The following CADM2 variants were observed in gnomAD, a reference collection of about 807,000 sequenced individuals.
The protein encoded by CADM2 is immunoglobulin superfamily member 4D.
CADM2 carries 12 observed loss-of-function variants against 49.8 expected under a neutral mutation model. That is an observed-to-expected ratio of 0.24 (90% CI 0.15 to 0.39). The LOEUF (loss-of-function observed/expected upper bound fraction) is 0.39. CADM2 is among the 10% of genes least tolerant of loss of function. CADM2 has a pLI of 1.00. For synonymous variants in CADM2, 214 were observed against 175.4 expected, an observed-to-expected ratio of 1.22 and a Z score of -1.74; for missense variants, 378 against 492.3, an observed-to-expected ratio of 0.77 and a Z score of 2.20.
Position 85,210,580 on chromosome 3 carries a change from T to G in CADM2, c.61+250912T>G, listed in dbSNP as rs1319028744. On this transcript the variant is annotated intron_variant, in intron 1 of 9. Transcript: ENST00000383699. ...TTTTTGAAACAAGGTCTGGCTCTGT[T>G]GCCCAGGTTGGAGTGCAGTGGTGCA... Among the ~76,000 whole-genome samples the G allele has an allele frequency of 3.9e-5, 6 of 152,248 alleles. No individual in the cohort carries two copies. The East Asian group carries it at 1.2e-3, about 29-fold the overall frequency.
chr3:85,469,961 G>GT (rs1409282026), intron 1 of CADM2, among the ~76,000 whole-genome samples: 1 of 152,106 alleles, frequency 6.6e-6, no homozygotes, highest in African/African-American at 2.4e-5. Context: ...GGAAAATAGC[G>GT]TTTTTGGAAG....
At chr3:84,974,966 G>A (rs1463078073) in intron 1 of CADM2, among the ~76,000 whole-genome samples, 4 of 151,732 alleles carry the variant, frequency 2.6e-5, no homozygotes, top group African/African-American at 9.7e-5. Context: ...CTGCAAATAT[G>A]TGATCTCAAG....
chr3:85,642,678 T>C (rs2064759291), intron 1 of CADM2, among the ~76,000 whole-genome samples: 1 of 152,188 alleles, frequency 6.6e-6, no homozygotes, highest in African/African-American at 2.4e-5. Flanking sequence ...CCTGTGATTA[T>C]ACCACTTGGA....
chr3:85,202,428 C>T (rs1385651761), intron 1 of CADM2, among the ~76,000 whole-genome samples: 1 of 152,062 alleles, frequency 6.6e-6, no homozygotes, highest in South Asian at 2.1e-4. Context: ...GTTGTTCTTC[C>T]TGCATATCTC....
intron 1 of CADM2, 124 bp from the exon 2 acceptor site, chr3:85,726,398 T>C: frequency 9.9e-7 from 1 of 1,009,632 alleles, no homozygotes; most frequent in South Asian, 1.3e-5. Context: ...AGGCTGTTGA[T>C]CATGAAATCA....
intron 8 of CADM2, 89 bp from the exon 9 acceptor site, chr3:86,065,516 A>G: frequency 1.5e-6 from 2 of 1,362,098 alleles, no homozygotes; most frequent in Non-Finnish European, 2.0e-6. Flanking sequence ...AAATTGTGTT[A>G]ATTTTCAAAA....
At chr3:85,131,049 T>G (rs1328438494) in intron 1 of CADM2, among the ~76,000 whole-genome samples, 1 of 151,964 alleles carries the variant, frequency 6.6e-6, no homozygotes, top group Non-Finnish European at 1.5e-5. Flanking sequence ...GGGCGTGGCA[T>G]GCGCCTGTAA....
intron 1 of CADM2, among the ~76,000 whole-genome samples, chr3:85,481,813 GTT>G (rs62677260): frequency 1.4e-5 from 2 of 143,526 alleles, no homozygotes; most frequent in Admixed American, 7.0e-5. Context: ...TTCATTCTTG[GTT>G]TTTTTTTTTT....
At chr3:85,887,277 C>T (rs755218066) in intron 5 of CADM2, among the ~76,000 whole-genome samples, 4 of 151,828 alleles carry the variant, frequency 2.6e-5, no homozygotes, top group Admixed American at 6.6e-5. Flanking sequence ...TTGTAGAGAT[C>T]GTGCTGTGTT....
intron 8 of CADM2, among the ~76,000 whole-genome samples, chr3:86,061,284 G>A (rs1038293827): frequency 1.3e-5 from 2 of 151,844 alleles, no homozygotes; most frequent in Non-Finnish European, 2.9e-5. Flanking sequence ...ACTTGATAGG[G>A]GGTGTTTTTA....
intron 1 of CADM2, among the ~76,000 whole-genome samples, chr3:85,288,185 C>T (rs1443022429): frequency 6.6e-6 from 1 of 151,994 alleles, no homozygotes; most frequent in Non-Finnish European, 1.5e-5. Flanking sequence ...AACTTGTTTC[C>T]TTCCCTCTAA....
chr3:85,567,255 G>A (rs2062293260), intron 1 of CADM2, among the ~76,000 whole-genome samples: 1 of 152,148 alleles, frequency 6.6e-6, no homozygotes, highest in Non-Finnish European at 1.5e-5. Context: ...TCGAGCAGAT[G>A]GTTAATAGCG....
intron 1 of CADM2, among the ~76,000 whole-genome samples, chr3:85,462,574 G>A (rs1457836047): frequency 2.0e-5 from 3 of 152,174 alleles, no homozygotes; most frequent in South Asian, 2.1e-4. Context: ...ATCTGGGTTC[G>A]TTTTATTCTA....
chr3:85,955,199 G>T (rs1436226550), intron 7 of CADM2, among the ~76,000 whole-genome samples: 2 of 151,232 alleles, frequency 1.3e-5, no homozygotes, highest in African/African-American at 2.4e-5. Context: ...AATAGGAAAG[G>T]TGACTTTTTT....
intron 8 of CADM2, among the ~76,000 whole-genome samples, chr3:86,042,292 T>G (rs1156291410): frequency 6.6e-6 from 1 of 152,106 alleles, no homozygotes; most frequent in Non-Finnish European, 1.5e-5. Flanking sequence ...ATCCAGGAGC[T>G]GGTTTTTTGA....
chr3:85,508,110 G>T (rs906889899), intron 1 of CADM2, among the ~76,000 whole-genome samples: 1 of 152,146 alleles, frequency 6.6e-6, no homozygotes, highest in Non-Finnish European at 1.5e-5. Flanking sequence ...AAAGTACAAA[G>T]AGGTGAAATC....
intron 1 of CADM2, among the ~76,000 whole-genome samples, chr3:85,050,559 T>C (rs749085963): frequency 6.6e-6 from 1 of 152,126 alleles, no homozygotes; most frequent in Non-Finnish European, 1.5e-5. Context: ...AAGGAGATAG[T>C]ATATGCATTT....
intron 1 of CADM2, among the ~76,000 whole-genome samples, chr3:85,330,673 T>C (rs1471287362): frequency 6.6e-6 from 1 of 151,832 alleles, no homozygotes; most frequent in Admixed American, 6.6e-5. Flanking sequence ...AAAAAATGTT[T>C]AGGCCAGGGG....
intron 7 of CADM2, among the ~76,000 whole-genome samples, chr3:85,937,497 G>A (rs919668527): frequency 6.6e-6 from 1 of 151,912 alleles, no homozygotes; most frequent in African/African-American, 2.4e-5. Context: ...TAAAATGAGT[G>A]AGAATTTGAA....
Sources: gnomAD v4.1 joint callset for allele counts (sites outside exome capture counted in the v4.1 genomes callset) on GRCh38, gnomAD v4.1.1 for gene constraint, MANE v1.5 for transcripts, NCBI Gene and HGNC (gene_info 2026-07-23, HGNC 2026-07-21) for gene names.